GUCY2F: variants seen among roughly 807,000 people sequenced by gnomAD.
GUCY2F encodes the protein guanylate cyclase 2F, retinal.
A neutral mutation model predicts 73.1 loss-of-function variants in GUCY2F; 61 were observed. The observed-to-expected ratio is 0.83, with a 90% CI of 0.68 to 1.03. The LOEUF (loss-of-function observed/expected upper bound fraction) is 1.03, where lower values mean the gene tolerates loss of function less well. GUCY2F is among the 50% of genes least tolerant of loss of function. The probability of loss-of-function intolerance (pLI) is 0.00; values close to 1 mark genes in which losing one functional copy is unlikely to be tolerated. For synonymous variants in GUCY2F, 331 were observed against 307.8 expected (o/e 1.08, Z -0.79); for missense variants, 912 against 854.3 (o/e 1.07, Z -0.84).
intron 16 of GUCY2F, chrX:109,383,479 T>A: frequency 2.4e-6 from 1 of 417,814 alleles, no homozygotes; most frequent in Non-Finnish European, 3.0e-6. Flanking sequence ...TGAAATAATT[T>A]TTTTATTAAT....
chrX:109,441,098 A>C (rs1019351987), intron 7 of GUCY2F, among the ~76,000 whole-genome samples: 2 of 112,133 alleles, frequency 1.8e-5, no homozygotes, highest in African/African-American at 6.5e-5. Context: ...TTTGGGTCTC[A>C]AGAACTTTTT....
At chrX:109,418,036 A>T (rs1438176589) in intron 8 of GUCY2F, among the ~76,000 whole-genome samples, 1 of 111,533 alleles carries the variant, frequency 9.0e-6, no homozygotes, top group East Asian at 2.8e-4. Context: ...GTTCAGTGAC[A>T]TCACATGGGT....
At position 109,381,817 on chromosome X, in the gene GUCY2F, T is replaced by C. The variant is rs150467245; in HGVS notation, c.3150+301A>G. Among the ~76,000 whole-genome samples the C allele has an allele frequency of 8.3e-3, 933 of 112,557 alleles. 8 individuals are homozygous for C. Among genetic ancestry groups the C allele is most frequent in the African/African-American group, 0.028 (882 of 31,051 alleles). ...AATGTAGGTTAGAAAATGTAAATAA[T>C]AGTGCAGCTCATTGGAAAGCCAAAT... On this transcript the variant is annotated intron_variant, in intron 17 of 19. Coordinates refer to ENST00000218006, the MANE Select transcript of GUCY2F (RefSeq NM_001522.3).
At chrX:109,449,226 C>T (rs116727676) in intron 5 of GUCY2F, among the ~76,000 whole-genome samples, 2,025 of 112,290 alleles carry the variant, frequency 0.018, 43 homozygotes, top group African/African-American at 0.062. Context: ...AATGTCACTG[C>T]AGCTTTAAGT....
At chrX:109,450,364 C>A (rs1252343898) in intron 5 of GUCY2F, among the ~76,000 whole-genome samples, 1 of 111,190 alleles carries the variant, frequency 9.0e-6, no homozygotes, top group Admixed American at 9.6e-5. Context: ...GCCCAAAGAA[C>A]CAGTCCATAC....
At chrX:109,377,674 T>G (rs1299073486) in intron 17 of GUCY2F, among the ~76,000 whole-genome samples, 1 of 111,566 alleles carries the variant, frequency 9.0e-6, no homozygotes, top group African/African-American at 3.3e-5. Flanking sequence ...TGGAAAAACA[T>G]GCTATTAAAG....
chrX:109,453,919 T>TGTC (rs1932199265), intron 3 of GUCY2F, 60 bp from the exon 4 acceptor site: 1 of 624,873 alleles, frequency 1.6e-6, no homozygotes, highest in African/African-American at 2.3e-5. Flanking sequence ...TCTCAGAGTA[T>TGTC]ATTCCAAGCC....
chrX:109,383,495 T>C (rs112007504), intron 16 of GUCY2F: 29 of 302,339 alleles, frequency 9.6e-5, no homozygotes, highest in African/African-American at 7.2e-4. Flanking sequence ...TTAATAGATA[T>C]GTGACATGTC....
chrX:109,396,037 T>C (rs1930699989), intron 11 of GUCY2F, among the ~76,000 whole-genome samples: 2 of 112,300 alleles, frequency 1.8e-5, no homozygotes, highest in Admixed American at 9.4e-5. Context: ...TGCTGAACGC[T>C]TTGCATGCAT....
At chrX:109,373,521 C>T in intron 19 of GUCY2F, among the ~76,000 whole-genome samples, 1 of 111,994 alleles carries the variant, frequency 8.9e-6, no homozygotes, top group Non-Finnish European at 1.9e-5. Context: ...TCTAAGCTAA[C>T]TTTTCCACCT....
At chrX:109,430,660 T>C (rs1022869164) in intron 7 of GUCY2F, among the ~76,000 whole-genome samples, 6 of 112,123 alleles carry the variant, frequency 5.4e-5, no homozygotes, top group African/African-American at 1.9e-4. Context: ...ATGATACCAC[T>C]CTTTGCAAAG....
chrX:109,480,337 G>A (rs1417700785), intron 1 of GUCY2F, among the ~76,000 whole-genome samples: 1 of 111,767 alleles, frequency 8.9e-6, no homozygotes, highest in Non-Finnish European at 1.9e-5. Flanking sequence ...AACCAGTGGT[G>A]TTTGTTCTCT....
intron 17 of GUCY2F, among the ~76,000 whole-genome samples, chrX:109,378,704 A>G (rs966827001): frequency 9.0e-6 from 1 of 111,524 alleles, no homozygotes; most frequent in Non-Finnish European, 1.9e-5. Context: ...TAAAACAAAT[A>G]CTAATACTTA....
At chrX:109,481,195 C>G (rs2147288199) in intron 1 of GUCY2F, among the ~76,000 whole-genome samples, 1 of 111,425 alleles carries the variant, frequency 9.0e-6, no homozygotes, top group Admixed American at 9.5e-5. Flanking sequence ...AAAAAATTAG[C>G]TCACTAAAGT....
intron 2 of GUCY2F, among the ~76,000 whole-genome samples, chrX:109,467,778 A>T (rs1213577769): frequency 8.9e-6 from 1 of 112,589 alleles, no homozygotes; most frequent in Non-Finnish European, 1.9e-5. Flanking sequence ...TGAGCCAGTT[A>T]ACATCATGTT....
At position 109,475,883 on chromosome X, in the gene GUCY2F, G is replaced by A; in HGVS notation, c.54C>T (p.Phe18=). ...FSRLVLWFAA[F]RKLLGHHGLA... Reference sequence around the variant, plus strand: ...GGCCATGGTGTCCCAGCAGTTTCCTGAAAGCCGCAAACCAGAGAACAAGGC... The same window carrying A: ...GGCCATGGTGTCCCAGCAGTTTCCTAAAAGCCGCAAACCAGAGAACAAGGC... Residue 18 remains phenylalanine (F), a synonymous_variant, in exon 2 of 20, where the codon TTC becomes TTT. Transcript: ENST00000218006. 8.3e-7 allele frequency: 1 copy of A among 1,209,805 alleles called. No individual in the cohort carries two copies. Among genetic ancestry groups the A allele is most frequent in the South Asian group, 1.8e-5 (1 of 56,564 alleles).
intron 9 of GUCY2F, among the ~76,000 whole-genome samples, chrX:109,406,449 C>G (rs6643439): frequency 0.13 from 14,826 of 111,341 alleles, 2,313 homozygotes; most frequent in African/African-American, 0.45. Flanking sequence ...AAGAAAGGAT[C>G]GCTTAAGGCA....
chrX:109,450,159 C>T (rs1404488984), intron 5 of GUCY2F, among the ~76,000 whole-genome samples: 2 of 110,973 alleles, frequency 1.8e-5, no homozygotes, highest in Non-Finnish European at 3.8e-5. Flanking sequence ...TTTTCTGTGA[C>T]CATTTGAAGT....
intron 19 of GUCY2F, among the ~76,000 whole-genome samples, chrX:109,373,956 A>T (rs1930118801): frequency 2.7e-5 from 3 of 112,279 alleles, no homozygotes; most frequent in African/African-American, 9.7e-5. Flanking sequence ...CCCCTTTCAT[A>T]GCAGTTTTTC....
Sources: allele counts gnomAD v4.1 joint callset (sites outside exome capture counted in the v4.1 genomes callset), GRCh38; gene constraint gnomAD v4.1.1; transcripts MANE v1.5; gene names NCBI Gene and HGNC (gene_info 2026-07-23, HGNC 2026-07-21).